SUMF1: variants seen among roughly 807,000 people sequenced by gnomAD.
The protein encoded by SUMF1 is formylglycine-generating enzyme.
SUMF1 carries 48 observed loss-of-function variants against 47.6 expected under a neutral mutation model. The ratio of observed to expected loss-of-function variants is 1.01; its 90% CI spans 0.80 to 1.28. SUMF1 has a LOEUF of 1.28. Among genes scored for constraint, SUMF1 ranks in the 50% most tolerant of loss-of-function variants. The pLI is 0.00. For synonymous variants in SUMF1, 230 were observed against 192.1 expected, an observed-to-expected ratio of 1.20 and a Z score of -1.63; for missense variants, 571 against 485.4, an observed-to-expected ratio of 1.18 and a Z score of -1.66.
At chr3:4,215,037 A>G (rs1695887805) in intron 8 of SUMF1, among the ~76,000 whole-genome samples, 1 of 152,194 alleles carries the variant, frequency 6.6e-6, no homozygotes, top group Non-Finnish European at 1.5e-5. Context: ...ATCCTCCCTA[A>G]CTCATTTTAT....
rs180946179 is a variant in SUMF1 at position 4,079,769 on chromosome 3, A to C, written c.1015-11024T>G. ...TTGTCGTATCTGGCATGGGTCCTGG[A>C]GGTGACAGTGGCAGTAACAGTGCCA... is the stretch of plus-strand genomic sequence containing the variant. On this transcript the variant is annotated intron_variant and NMD_transcript_variant, in intron 8 of 12. Transcript: ENST00000448413. Among the ~76,000 whole-genome samples, 30 of 150,904 alleles carry C rather than the reference A, an allele frequency of 2.0e-4. 1 individual carries two copies. Among genetic ancestry groups the C allele is most frequent in the African/African-American group, 7.3e-4 (30 of 40,944 alleles).
chr3:4,380,006 A>G (rs1426083166), intron 7 of SUMF1, among the ~76,000 whole-genome samples: 2 of 152,188 alleles, frequency 1.3e-5, no homozygotes, highest in African/African-American at 4.8e-5. Flanking sequence ...CAAGTTTATG[A>G]CTGCAGGCTA....
chr3:4,311,232 T>C (rs1698392787), intron 8 of SUMF1, among the ~76,000 whole-genome samples: 1 of 152,174 alleles, frequency 6.6e-6, no homozygotes, highest in African/African-American at 2.4e-5. Context: ...GGTTTTGCAC[T>C]TAACTACATA....
At chr3:4,217,688 G>T (rs1395276434) in intron 8 of SUMF1, among the ~76,000 whole-genome samples, 1 of 144,396 alleles carries the variant, frequency 6.9e-6, no homozygotes, top group Non-Finnish European at 1.5e-5. Flanking sequence ...GCATGTGTAG[G>T]TTTTATTTTT....
intron 8 of SUMF1, among the ~76,000 whole-genome samples, chr3:4,217,846 G>A (rs1276898530): frequency 2.7e-5 from 4 of 146,706 alleles, no homozygotes; most frequent in Non-Finnish European, 6.0e-5. Context: ...TATACCAGCT[G>A]AGAAACAATT....
intron 8 of SUMF1, among the ~76,000 whole-genome samples, chr3:4,165,278 G>A (rs1183547179): frequency 1.3e-5 from 2 of 152,100 alleles, no homozygotes; most frequent in African/African-American, 4.8e-5. Flanking sequence ...GCAAGATCAG[G>A]TCTACCTTGA....
intron 8 of SUMF1, among the ~76,000 whole-genome samples, chr3:4,250,809 C>A (rs1299240185): frequency 6.6e-6 from 1 of 152,090 alleles, no homozygotes; most frequent in Non-Finnish European, 1.5e-5. Context: ...TATTTAAGCC[C>A]ACTGTTGAGA....
intron 8 of SUMF1, among the ~76,000 whole-genome samples, chr3:4,348,586 C>T (rs1472112474): frequency 6.6e-6 from 1 of 152,070 alleles, no homozygotes; most frequent in African/African-American, 2.4e-5. Flanking sequence ...CAGAAGAGGC[C>T]AGGCACAGTG....
intron 8 of SUMF1, among the ~76,000 whole-genome samples, chr3:4,199,513 G>A (rs1010940184): frequency 1.3e-5 from 2 of 152,054 alleles, no homozygotes; most frequent in Non-Finnish European, 2.9e-5. Flanking sequence ...TGGGTTGTAT[G>A]GTAATTACGT....
chr3:4,454,608 A>G (rs773897700), intron 1 of SUMF1, among the ~76,000 whole-genome samples: 5 of 152,220 alleles, frequency 3.3e-5, no homozygotes, highest in Non-Finnish European at 7.3e-5. Flanking sequence ...ACATATGTCC[A>G]TGTAAAAACT....
chr3:4,338,477 A>G (rs308728), intron 8 of SUMF1, among the ~76,000 whole-genome samples: 11,440 of 152,174 alleles, frequency 0.075, 645 homozygotes, highest in South Asian at 0.3. Flanking sequence ...CTTGACACCA[A>G]AACAATTCAT....
intron 8 of SUMF1, among the ~76,000 whole-genome samples, chr3:4,146,380 A>T (rs1694193069): frequency 1.3e-5 from 2 of 149,378 alleles, no homozygotes. Context: ...ATGGAGAGTG[A>T]TGGAGCCTCC....
chr3:4,094,297 G>A lies in SUMF1; in HGVS notation c.1015-25552C>T, dbSNP rs1353006571. Among the ~76,000 whole-genome samples, 3 of 152,008 alleles carry A rather than the reference G, an allele frequency of 2.0e-5. 1 individual carries two copies. Among genetic ancestry groups the A allele is most frequent in the East Asian group, 3.9e-4 (2 of 5,180 alleles). On this transcript the variant is annotated intron_variant and NMD_transcript_variant, in intron 8 of 12. Coordinates refer to the SUMF1 transcript ENST00000448413. ...TATTTATTGGTATTTCTCCTGATAG[G>A]GTAATATGAATAGGCACTGGAGATA...
intron 8 of SUMF1, among the ~76,000 whole-genome samples, chr3:4,078,886 A>G (rs1370906466): frequency 6.6e-6 from 1 of 152,178 alleles, no homozygotes. Context: ...AATCAATAAC[A>G]GAGCCAGGTA....
chr3:4,395,339 C>T (rs1559270951), intron 7 of SUMF1, among the ~76,000 whole-genome samples: 1 of 151,708 alleles, frequency 6.6e-6, no homozygotes, highest in African/African-American at 2.4e-5. Context: ...TTTTTTTTAC[C>T]TAATGTCCAA....
chr3:4,215,685 C>A (rs897649556), intron 8 of SUMF1, among the ~76,000 whole-genome samples: 48 of 152,150 alleles, frequency 3.2e-4, no homozygotes, highest in Non-Finnish European at 6.6e-4. Context: ...TGATAAGCAA[C>A]TTCAGAAAAG....
intron 8 of SUMF1, among the ~76,000 whole-genome samples, chr3:4,072,907 G>A (rs1692314264): frequency 6.6e-6 from 1 of 152,094 alleles, no homozygotes; most frequent in Non-Finnish European, 1.5e-5. Context: ...TTAGAAAACA[G>A]TCTTCAAGAT....
chr3:4,142,050 T>C (rs1175270103), intron 8 of SUMF1, among the ~76,000 whole-genome samples: 2 of 152,178 alleles, frequency 1.3e-5, no homozygotes, highest in African/African-American at 4.8e-5. Context: ...TTTTGATATG[T>C]ATTAAAAGAC....
intron 8 of SUMF1, among the ~76,000 whole-genome samples, chr3:4,220,509 A>T (rs1427820447): frequency 1.3e-5 from 2 of 151,796 alleles, no homozygotes; most frequent in East Asian, 1.9e-4. Context: ...TTTCATTTTC[A>T]TTTGTTTCCT....
Sources: gnomAD v4.1 joint callset for allele counts (sites outside exome capture counted in the v4.1 genomes callset) on GRCh38, gnomAD v4.1.1 for gene constraint, MANE v1.5 for transcripts, NCBI Gene and HGNC (gene_info 2026-07-23, HGNC 2026-07-21) for gene names.